MYO18B: variants seen among roughly 807,000 people sequenced by gnomAD.
MYO18B encodes unconventional myosin-XVIIIb.
In MYO18B, 204 loss-of-function variants were observed where a neutral mutation model predicts 273.0. The ratio of observed to expected loss-of-function variants is 0.75; its 90% CI spans 0.67 to 0.84. The LOEUF (loss-of-function observed/expected upper bound fraction) is 0.84. Among genes scored for constraint, MYO18B ranks in the 40% least tolerant of loss-of-function variants. The pLI is 0.00. For synonymous variants in MYO18B, 1,330 were observed against 1,305.7 expected (o/e 1.02, Z -0.40); for missense variants, 3,212 against 3,287.6 (o/e 0.98, Z 0.56).
chr22:25,827,510 C>A (rs149298529), intron 14 of MYO18B, among the ~76,000 whole-genome samples: 162 of 152,310 alleles, frequency 1.1e-3, no homozygotes, highest in Non-Finnish European at 1.8e-3. Context: ...TTCAGCAGAG[C>A]TAATTCAGAG....
At chr22:25,964,527 C>T (rs2092956410) in intron 39 of MYO18B, among the ~76,000 whole-genome samples, 2 of 152,138 alleles carry the variant, frequency 1.3e-5, no homozygotes, top group African/African-American at 4.8e-5. Context: ...AGGTTCTCAA[C>T]CTTGGCATTA....
At chr22:25,801,670 G>T (rs1285275767) in intron 12 of MYO18B, among the ~76,000 whole-genome samples, 1 of 152,174 alleles carries the variant, frequency 6.6e-6, no homozygotes, top group African/African-American at 2.4e-5. Context: ...CACACAGCCA[G>T]TACCTTCCAG....
rs746440237 is a variant in MYO18B, at chr22:25,785,409, G to A, written c.2313-19G>A. On this transcript the variant is annotated intron_variant, in intron 10 of 43. Transcript: ENST00000335473. ...GTGTGGACAGCCCCCCTGACTCCTG[G>A]TTCCTTCTGTGCTTCCAGGACGGAG... The A allele has an allele frequency of 1.3e-6, 2 of 1,599,542 alleles. No individual in the cohort carries two copies. Among genetic ancestry groups the A allele is most frequent in the Non-Finnish European group, 1.7e-6 (2 of 1,173,378 alleles).
rs1402764097 is a variant in MYO18B at position 25,851,595 on chromosome 22, G to A, written c.3885+16G>A. The A allele has an allele frequency of 2.6e-6, 4 of 1,514,984 alleles. No homozygotes were observed. The highest frequency in any genetic ancestry group is 3.6e-6 in the Non-Finnish European group (4 of 1,113,006). The allele number at this position is 1,514,984 out of a possible 1,614,324, so 93.8% of individuals were successfully genotyped here. The stretch of plus-strand genomic sequence containing the variant: ...TGAAAGGAAGGTAGGTGGAGCACAT[G>A]CGAGAGGGGTGAAGGCCCTAGATAT... On this transcript the variant is annotated intron_variant, in intron 21 of 43. Transcript: ENST00000335473.
chr22:25,853,537 C>T (rs138406078), intron 21 of MYO18B, among the ~76,000 whole-genome samples: 26 of 152,278 alleles, frequency 1.7e-4, no homozygotes, highest in African/African-American at 6.3e-4. Context: ...TAGCAGTCTT[C>T]GTTCATGGGG....
At chr22:25,792,025 G>A (rs1018384124) in intron 11 of MYO18B, among the ~76,000 whole-genome samples, 2 of 152,166 alleles carry the variant, frequency 1.3e-5, no homozygotes, top group Non-Finnish European at 2.9e-5. Context: ...GATTCAGATC[G>A]TGGCTGAAGA....
chr22:25,937,415 G>T (rs577815564), intron 34 of MYO18B, among the ~76,000 whole-genome samples: 1 of 152,098 alleles, frequency 6.6e-6, no homozygotes, highest in South Asian at 2.1e-4. Context: ...ATAAGTGATG[G>T]TCTGGAGCAG....
chr22:25,823,646 G>A lies in MYO18B; in HGVS notation c.2663G>A (p.Arg888Gln), dbSNP rs771830216. ...IIQQMTFGPSRWGLEDEETSS... is the reference protein window; with the variant it reads ...IIQQMTFGPSQWGLEDEETSS... ...CAGCAAATGACGTTTGGGCCAAGCC[G>A]ATGGGGCCTCGAGGATGAGGAAACC... Residue 888 changes from arginine (R) to glutamine (Q), a missense_variant, in exon 13 of 44, where the codon CGA becomes CAA. Physicochemically the swap from Arg to Gln is conservative, Grantham distance 43. Transcript: ENST00000335473. The A allele has an allele frequency of 2.8e-5, 45 of 1,613,846 alleles. No homozygotes were observed. The highest frequency in any genetic ancestry group is 3.5e-5 in the Non-Finnish European group (41 of 1,179,890).
At chr22:26,013,194 TG>T (rs1406462924) in intron 42 of MYO18B, among the ~76,000 whole-genome samples, 1 of 152,224 alleles carries the variant, frequency 6.6e-6, no homozygotes, top group East Asian at 1.9e-4. Flanking sequence ...GGTTCTCAAC[TG>T]GAGGCACTTC....
chr22:25,761,478 A>C (rs553681946), intron 2 of MYO18B, among the ~76,000 whole-genome samples: 6 of 152,238 alleles, frequency 3.9e-5, no homozygotes, highest in Admixed American at 3.3e-4. Context: ...GAGGAGGGGC[A>C]CATGGGGGAC....
chr22:25,865,475 G>C (rs2146125778), intron 21 of MYO18B, among the ~76,000 whole-genome samples: 1 of 152,328 alleles, frequency 6.6e-6, no homozygotes, highest in Non-Finnish European at 1.5e-5. Flanking sequence ...TTGCAGCACT[G>C]TTCCAAGGTT....
At chr22:25,852,474 A>G (rs1035658785) in intron 21 of MYO18B, among the ~76,000 whole-genome samples, 7 of 152,160 alleles carry the variant, frequency 4.6e-5, no homozygotes, top group Middle Eastern at 3.2e-3. Context: ...TTCTCCAACT[A>G]CACCGTAAAC....
chr22:25,774,900 C>G (rs1028923085), intron 7 of MYO18B, among the ~76,000 whole-genome samples: 2 of 152,252 alleles, frequency 1.3e-5, no homozygotes, highest in African/African-American at 4.8e-5. Flanking sequence ...TGGATCCCAT[C>G]TCTGTGTGCA....
chr22:25,754,930 CTGAGGGTGATTCT>C (rs981847410), intron 1 of MYO18B, among the ~76,000 whole-genome samples: 1 of 152,208 alleles, frequency 6.6e-6, no homozygotes, highest in African/African-American at 2.4e-5. Flanking sequence ...GAGCCCGAAG[CTGAGGGTGATTCT>C]TGGGAAGCGG....
chr22:25,968,748 G>C (rs1300616578), intron 39 of MYO18B, among the ~76,000 whole-genome samples: 1 of 152,112 alleles, frequency 6.6e-6, no homozygotes, highest in South Asian at 2.1e-4. Context: ...GACTGACTCT[G>C]TGGACTTGGG....
At chr22:25,890,306 G>A (rs1167784608) in intron 25 of MYO18B, among the ~76,000 whole-genome samples, 4 of 152,330 alleles carry the variant, frequency 2.6e-5, no homozygotes, top group Non-Finnish European at 2.9e-5. Flanking sequence ...TTCTGGTGCA[G>A]TGGGCATCCA....
intron 36 of MYO18B, among the ~76,000 whole-genome samples, chr22:25,948,751 A>G (rs1031504663): frequency 6.6e-6 from 1 of 151,988 alleles, no homozygotes; most frequent in African/African-American, 2.4e-5. Context: ...AGACCTTATC[A>G]TATGGTCACC....
rs141645174 is a variant in MYO18B at position 25,959,431 on chromosome 22, C to T, written c.6156+4067C>T. 7.4e-3 allele frequency: 1,121 copies of T among 152,152 alleles called. 8 individuals carry two copies. The highest frequency in any genetic ancestry group is 0.014 in the Middle Eastern group (4 of 294). The allele number at this position is 152,152 out of a possible 1,614,324, so 9.4% of individuals were successfully genotyped here. A position where few individuals can be genotyped will look rare whatever the true frequency, so the allele number is the denominator to read the frequency against. On this transcript the variant is annotated intron_variant, in intron 39 of 43. Transcript: ENST00000335473. ...GAGACTACAAGTGCATACCATTGTG[C>T]CTGGCTAATTTTTCAATTTTTTAAA...
chr22:25,770,152 G>T lies in MYO18B; in HGVS notation c.1555G>T (p.Ala519Ser). ...RWYEAEKVWL[A>S]QKDGFTLATV... Reference sequence around the variant, plus strand: ...GTATGAGGCAGAGAAAGTCTGGCTGGCTCAGAAGGATGGATTTACTCTTGG... The same window carrying T: ...GTATGAGGCAGAGAAAGTCTGGCTGTCTCAGAAGGATGGATTTACTCTTGG... Residue 519 changes from alanine (A) to serine (S), a missense_variant, in exon 5 of 44, where the codon GCT becomes TCT. Transcript: ENST00000335473. The T allele has an allele frequency of 6.2e-7, 1 of 1,613,968 alleles. No individual in the cohort carries two copies. Among genetic ancestry groups the T allele is most frequent in the Non-Finnish European group, 8.5e-7 (1 of 1,179,878 alleles).
Sources: gnomAD v4.1 joint callset for allele counts (sites outside exome capture counted in the v4.1 genomes callset) on GRCh38, gnomAD v4.1.1 for gene constraint, MANE v1.5 for transcripts, NCBI Gene and HGNC (gene_info 2026-07-23, HGNC 2026-07-21) for gene names.